SP110: variants seen among roughly 807,000 people sequenced by gnomAD.
The protein encoded by SP110 is interferon-induced protein 41, 30kD.
A neutral mutation model predicts 92.7 loss-of-function variants in SP110; 62 were observed. The observed-to-expected ratio is 0.67, with a 90% CI of 0.55 to 0.83. The LOEUF is 0.83. SP110 is among the 40% of genes least tolerant of loss of function. The probability of loss-of-function intolerance (pLI) is 0.00; values close to 1 mark genes in which losing one functional copy is unlikely to be tolerated. For synonymous variants in SP110, 273 were observed against 305.3 expected (o/e 0.89, Z 1.10); for missense variants, 793 against 863.9 (o/e 0.92, Z 1.03).
At chr2:230,213,534 G>C (rs1305438008) in intron 3 of SP110, 2 of 166,552 alleles carry the variant, frequency 1.2e-5, no homozygotes, top group African/African-American at 4.8e-5. Flanking sequence ...CCTGTGATCT[G>C]GTCACACCCA....
At chr2:230,197,826 T>C (rs1194065572) in intron 10 of SP110, among the ~76,000 whole-genome samples, 1 of 152,194 alleles carries the variant, frequency 6.6e-6, no homozygotes, top group Non-Finnish European at 1.5e-5. Flanking sequence ...AATTTTCTTT[T>C]TCTTTGTTTT....
chr2:230,190,238 T>C (rs773173208), intron 10 of SP110, among the ~76,000 whole-genome samples: 1 of 152,214 alleles, frequency 6.6e-6, no homozygotes, highest in Non-Finnish European at 1.5e-5. Context: ...TTCTTAATAA[T>C]TGTCATTCTG....
rs4381771 is a variant in SP110 at position 230,166,300 on chromosome 2, G to A, written c.*2824C>T. Among the ~76,000 whole-genome samples, 113,676 of 151,674 alleles carry A rather than the reference G, an allele frequency of 0.75. 43,058 individuals are homozygous for A. Among genetic ancestry groups the A allele is most frequent in the Middle Eastern group, 0.81 (239 of 294 alleles). ...AGAATATCTTCATAGCCTGAAAACC[G>A]TAAAGAAAGCAGATAATGTGGTTAC... is the stretch of plus-strand genomic sequence containing the variant. On this transcript the variant is annotated 3_prime_UTR_variant, in exon 19 of 19. Transcript: ENST00000258381.
chr2:230,217,244 T>TAAAAA (rs2045309157), intron 1 of SP110, among the ~76,000 whole-genome samples: 2 of 30,044 alleles, frequency 6.7e-5, no homozygotes, highest in African/African-American at 2.3e-4. Context: ...AGACTCCATC[T>TAAAAA]CAAAAAAAAA....
intron 10 of SP110, among the ~76,000 whole-genome samples, chr2:230,188,766 T>C (rs2042474717): frequency 6.6e-6 from 1 of 152,216 alleles, no homozygotes; most frequent in African/African-American, 2.4e-5. Flanking sequence ...ATTCTGTTTT[T>C]GTGATGTACC....
intron 8 of SP110, 149 bp from the exon 9 acceptor site, chr2:230,202,877 C>A: frequency 1.3e-6 from 1 of 748,414 alleles, no homozygotes; most frequent in East Asian, 2.5e-5. Context: ...CCTCCTACTT[C>A]TCTATAATTA....
chr2:230,210,723 A>C (rs1045002943), intron 6 of SP110, among the ~76,000 whole-genome samples: 1 of 152,254 alleles, frequency 6.6e-6, no homozygotes, highest in Non-Finnish European at 1.5e-5. Flanking sequence ...TCTCACATGA[A>C]GCTGTCACCT....
intron 10 of SP110, among the ~76,000 whole-genome samples, chr2:230,198,596 AT>A (rs34926695): frequency 5.3e-5 from 8 of 151,314 alleles, no homozygotes; most frequent in African/African-American, 1.7e-4. Flanking sequence ...AAATGATAGA[AT>A]TTTTTTTTCT....
chr2:230,202,041 A>C (rs755494610), intron 9 of SP110, among the ~76,000 whole-genome samples: 1 of 152,236 alleles, frequency 6.6e-6, no homozygotes, highest in Non-Finnish European at 1.5e-5. Context: ...GTAGGAATCC[A>C]GCTGTCTTTT....
chr2:230,197,250 T>C (rs1279925557), intron 10 of SP110, among the ~76,000 whole-genome samples: 2 of 149,924 alleles, frequency 1.3e-5, no homozygotes, highest in African/African-American at 2.4e-5. Flanking sequence ...TGGTGTGAGA[T>C]GGTATCTCAT....
Position 230,176,358 on chromosome 2 carries a change from T to A in SP110, c.1590+1180A>T, listed in dbSNP as rs538562523. 78 of 813,702 alleles carry A rather than the reference T, an allele frequency of 9.6e-5. 1 individual carries two copies. The South Asian group carries it at 1.2e-3, about 13-fold the overall frequency. The allele number at this position is 813,702 out of a possible 1,614,324, so 50.4% of individuals were successfully genotyped here. A position where few individuals can be genotyped will look rare whatever the true frequency, so the allele number is the denominator to read the frequency against. ...CCATTCCTAGTTGATTAAAAAAAAA[T>A]TTGTTAGAGATGGGGTCTTGCTATG... On this transcript the variant is annotated intron_variant, in intron 14 of 18. Coordinates refer to ENST00000258381, the MANE Select transcript of SP110 (RefSeq NM_080424.4).
At position 230,189,111 on chromosome 2, in the gene SP110, C is replaced by T. The variant is rs140619126; in HGVS notation, c.1130-2968G>A. Among the ~76,000 whole-genome samples the T allele has an allele frequency of 2.4e-4, 36 of 151,864 alleles. No homozygotes were observed. In the East Asian group the frequency reaches 7.0e-3, roughly 29 times the overall value. ...ACTTCTCTCTTTTTTTTTGGTTACTCTGGCTAATGTTCTATCAATTTTGTT... is the reference window on the plus strand; with the variant it reads ...ACTTCTCTCTTTTTTTTTGGTTACTTTGGCTAATGTTCTATCAATTTTGTT... On this transcript the variant is annotated intron_variant, in intron 10 of 18. Coordinates refer to ENST00000258381, the MANE Select transcript of SP110 (RefSeq NM_080424.4).
At chr2:230,174,965 G>A (rs2041785444) in intron 14 of SP110, among the ~76,000 whole-genome samples, 1 of 152,220 alleles carries the variant, frequency 6.6e-6, no homozygotes. Flanking sequence ...TGGCTATTAT[G>A]AGCTGACATG....
chr2:230,200,479 T>C (rs1273973932), intron 10 of SP110: 6 of 199,096 alleles, frequency 3.0e-5, no homozygotes, highest in Non-Finnish European at 6.2e-5. Flanking sequence ...ATGAGAAATA[T>C]GGAGATTGGA....
intron 8 of SP110, among the ~76,000 whole-genome samples, chr2:230,207,410 T>C (rs1285338976): frequency 6.6e-6 from 1 of 152,170 alleles, no homozygotes. Flanking sequence ...AGCACTCATA[T>C]ATATAAGGAG....
intron 14 of SP110, 126 bp from the exon 15 acceptor site, chr2:230,173,085 G>A (rs1239594437): frequency 8.6e-6 from 6 of 697,758 alleles, no homozygotes; most frequent in African/African-American, 5.3e-5. Flanking sequence ...ATTTTTGATG[G>A]GGGGAGCTGA....
At chr2:230,175,348 T>C (rs575687909) in intron 14 of SP110, among the ~76,000 whole-genome samples, 1 of 152,050 alleles carries the variant, frequency 6.6e-6, no homozygotes, top group South Asian at 2.1e-4. Flanking sequence ...TTTAAACAAA[T>C]ATCTATATCA....
At chr2:230,174,702 C>G (rs113871641) in intron 14 of SP110, among the ~76,000 whole-genome samples, 1 of 152,216 alleles carries the variant, frequency 6.6e-6, no homozygotes, top group African/African-American at 2.4e-5. Flanking sequence ...ATGTGTGGGT[C>G]ATGGAGGCAG....
rs569215737 is a variant in SP110 at position 230,188,006 on chromosome 2, T to A, written c.1130-1863A>T. On this transcript the variant is annotated intron_variant, in intron 10 of 18. Transcript: ENST00000258381. ...TTTTGGTTCCATATGAATTTTAAGA[T>A]TTTTTTTCCAGTTCTGTGAAAAATG... 5.9e-5 allele frequency among the ~76,000 whole-genome samples: 9 copies of A among 152,118 alleles called. No individual in the cohort carries two copies. The East Asian group carries it at 1.7e-3, about 29-fold the overall frequency.
Sources: allele counts gnomAD v4.1 joint callset (sites outside exome capture counted in the v4.1 genomes callset), GRCh38; gene constraint gnomAD v4.1.1; transcripts MANE v1.5; gene names NCBI Gene and HGNC (gene_info 2026-07-23, HGNC 2026-07-21).